WT1: variants seen among roughly 807,000 people sequenced by gnomAD.
WT1 encodes WT1 transcription factor.
WT1 carries 8 observed loss-of-function variants against 60.8 expected under a neutral mutation model. The ratio of observed to expected loss-of-function variants is 0.13; its 90% CI spans 0.08 to 0.24. The LOEUF is 0.24. Ranked by LOEUF, WT1 falls within the 10% of genes least tolerant of loss-of-function variation. The pLI, the probability that WT1 is intolerant of heterozygous loss-of-function variation, is 1.00. For missense variants in WT1, 568 were observed against 711.8 expected (o/e 0.80, Z 2.30); for synonymous variants, 312 against 297.1 (o/e 1.05, Z -0.52).
intron 1 of WT1, chr11:32,429,118 T>C (rs1482142711): frequency 1.1e-5 from 3 of 261,686 alleles, no homozygotes; most frequent in African/African-American, 6.6e-5. Context: ...TTAAATGGCC[T>C]GGTCTTAAAA....
intron 5 of WT1, among the ~76,000 whole-genome samples, chr11:32,413,482 C>G (rs1199667864): frequency 6.6e-6 from 1 of 152,188 alleles, no homozygotes; most frequent in East Asian, 1.9e-4. Flanking sequence ...AAAGGCCAAA[C>G]TTTCTACTGG....
intron 3 of WT1, among the ~76,000 whole-genome samples, chr11:32,423,726 C>T (rs1852929532): frequency 6.6e-6 from 1 of 152,220 alleles, no homozygotes; most frequent in Admixed American, 6.5e-5. Context: ...GTTTCCTCCT[C>T]TGTAAAATGG....
intron 5 of WT1, among the ~76,000 whole-genome samples, chr11:32,410,838 T>C (rs949876530): frequency 2.6e-5 from 4 of 152,230 alleles, no homozygotes; most frequent in Non-Finnish European, 5.9e-5. Flanking sequence ...AAATATGCAG[T>C]AGCTCCTTGT....
intron 3 of WT1, among the ~76,000 whole-genome samples, chr11:32,421,578 A>G (rs890251015): frequency 6.6e-6 from 1 of 152,234 alleles, no homozygotes; most frequent in African/African-American, 2.4e-5. Context: ...AACTGGGATT[A>G]ATGCAAGTTG....
chr11:32,408,008 A>G (rs1852370141), intron 5 of WT1, among the ~76,000 whole-genome samples: 1 of 152,048 alleles, frequency 6.6e-6, no homozygotes, highest in Admixed American at 6.6e-5. Context: ...GGATCATTTG[A>G]GGTCAGGAGC....
At chr11:32,403,603 C>G (rs1328109683) in intron 5 of WT1, among the ~76,000 whole-genome samples, 1 of 137,710 alleles carries the variant, frequency 7.3e-6, no homozygotes, top group African/African-American at 2.7e-5. Flanking sequence ...GAGACAGAGT[C>G]TGGCTCTGTC....
chr11:32,427,371 C>T (rs1411312645), intron 3 of WT1, among the ~76,000 whole-genome samples: 1 of 152,240 alleles, frequency 6.6e-6, no homozygotes, highest in Non-Finnish European at 1.5e-5. Flanking sequence ...GAAGGTCCCA[C>T]GCGGGCCAGA....
In WT1 at chr11:32,428,052, T is replaced by G; in HGVS notation, c.791A>C (p.Gln264Pro). 1 of 1,603,704 alleles carries G rather than the reference T, an allele frequency of 6.2e-7. No homozygotes were observed. The highest frequency in any genetic ancestry group is 8.5e-7 in the Non-Finnish European group (1 of 1,173,420). The change falls in exon 3 of 10, where the codon CAG becomes CCG. Residue 264 changes from glutamine to proline, a missense_variant. This residue lies in a region of WT1 where 523 missense variants were observed against 565.1 expected (regional missense o/e 0.93). Transcript: ENST00000452863. ...GACCGGGGGCGGCACCGAGTACTGC[T>G]GCTCACCTGCAGAGAGAACCGAAGA... is the stretch of plus-strand genomic sequence containing the variant.
intron 5 of WT1, chr11:32,400,300 G>A (rs1852116308): frequency 1.8e-6 from 1 of 549,778 alleles, no homozygotes; most frequent in East Asian, 3.2e-5. Flanking sequence ...TCTAGGTCTC[G>A]CTCAGACAAG....
chr11:32,426,754 C>T (rs552324308), intron 3 of WT1, among the ~76,000 whole-genome samples: 26 of 152,346 alleles, frequency 1.7e-4, no homozygotes, highest in African/African-American at 6.0e-4. Flanking sequence ...GGGCGCATCC[C>T]TGCACCTCTC....
Position 32,434,760 on chromosome 11 carries a change from A to G in WT1, c.601T>C (p.Phe201Leu). 1.2e-6 allele frequency: 2 copies of G among 1,612,888 alleles called. No individual in the cohort carries two copies. The highest frequency in any genetic ancestry group is 1.7e-6 in the Non-Finnish European group (2 of 1,179,912). Residue 201 changes from phenylalanine to leucine, a missense_variant, in exon 1 of 10, where the codon TTT becomes CTT. Around this residue, in one of 3 missense-constraint regions of WT1, gnomAD observed 523 missense variants for 565.1 expected, o/e 0.93. Transcript: ENST00000452863. Reference sequence around the variant, plus strand: ...CTGGGCAGGTAGGGCGCGTTAGGAAACATCCTGGCCTGGCCGGATGACGCC... The same window carrying G: ...CTGGGCAGGTAGGGCGCGTTAGGAAGCATCCTGGCCTGGCCGGATGACGCC...
Position 32,407,119 on chromosome 11 carries a change from A to G in WT1, c.1017-7075T>C, listed in dbSNP as rs373644792. Among the ~76,000 whole-genome samples the G allele has an allele frequency of 1.7e-4, 26 of 152,248 alleles. No individual in the cohort carries two copies. The South Asian group carries it at 5.4e-3, about 32-fold the overall frequency. ...GTCTCAAAAACAAAAACAAAAACAAACAAAAAATGCATACACACTTTCCTT... is the reference window on the plus strand; with the variant it reads ...GTCTCAAAAACAAAAACAAAAACAAGCAAAAAATGCATACACACTTTCCTT... On this transcript the variant is annotated intron_variant, in intron 5 of 9. Coordinates refer to ENST00000452863, the MANE Select transcript of WT1 (RefSeq NM_024426.6).
At chr11:32,423,698 T>C (rs1852928469) in intron 3 of WT1, among the ~76,000 whole-genome samples, 1 of 152,162 alleles carries the variant, frequency 6.6e-6, no homozygotes, top group Admixed American at 6.5e-5. Context: ...CTGGGGAAAT[T>C]TACTTCTCAG....
chr11:32,425,094 C>T (rs1852983731), intron 3 of WT1, among the ~76,000 whole-genome samples: 1 of 150,492 alleles, frequency 6.6e-6, no homozygotes, highest in East Asian at 2.0e-4. Flanking sequence ...ACAAGAATCA[C>T]TTGAATCTGG....
At chr11:32,422,254 A>G (rs1332252858) in intron 3 of WT1, among the ~76,000 whole-genome samples, 4 of 152,242 alleles carry the variant, frequency 2.6e-5, no homozygotes, top group Non-Finnish European at 1.5e-5. Context: ...CCAGCTAACC[A>G]AAGAAAAACC....
intron 4 of WT1, 87 bp from the exon 5 acceptor site, chr11:32,416,627 C>A: frequency 6.7e-7 from 1 of 1,496,348 alleles, no homozygotes; most frequent in African/African-American, 1.4e-5. Flanking sequence ...AGTGAAAAGC[C>A]CCTCAATACA....
rs547783372 is a variant in WT1, at chr11:32,400,028, C to T, written c.1033G>A (p.Glu345Lys). Residue 345 changes from glutamate (E) to lysine (K), a missense_variant, in exon 6 of 10, where the codon GAG becomes AAG. Around this residue, in one of 3 missense-constraint regions of WT1, gnomAD observed 523 missense variants for 565.1 expected, o/e 0.93. Coordinates refer to ENST00000452863, the MANE Select transcript of WT1 (RefSeq NM_024426.6). ...ATGGGCGTTGTGTGGTTATCGCTCT[C>T]GTACCCTGTGCTGTGGCTGCAAACA... 1.3e-5 allele frequency: 21 copies of T among 1,614,192 alleles called. No homozygotes were observed. The highest frequency in any genetic ancestry group is 1.7e-5 in the Non-Finnish European group (20 of 1,180,042).
intron 7 of WT1, among the ~76,000 whole-genome samples, chr11:32,395,670 CA>C (rs1179656038): frequency 6.6e-6 from 1 of 152,084 alleles, no homozygotes; most frequent in Non-Finnish European, 1.5e-5. Flanking sequence ...CCTTGTTGGC[CA>C]GGCTGGTCTC....
intron 1 of WT1, among the ~76,000 whole-genome samples, chr11:32,429,610 G>C (rs1853200648): frequency 6.6e-6 from 1 of 152,114 alleles, no homozygotes; most frequent in African/African-American, 2.4e-5. Context: ...GGATCCTTCG[G>C]CTAAAGATAC....
Sources: allele counts gnomAD v4.1 joint callset (sites outside exome capture counted in the v4.1 genomes callset), GRCh38; gene constraint gnomAD v4.1.1; regional missense constraint gnomAD v4.1.1; transcripts MANE v1.5; gene names NCBI Gene and HGNC (gene_info 2026-07-23, HGNC 2026-07-21).